The following CTNNA3 variants were observed in gnomAD, a reference collection of about 807,000 sequenced individuals.
CTNNA3 encodes the protein catenin alpha-3.
Under a neutral mutation model 95.7 loss-of-function variants are expected in CTNNA3, and 76 were observed. The observed-to-expected ratio is 0.79, with a 90% confidence interval of 0.66 to 0.96. CTNNA3 has a LOEUF of 0.96. CTNNA3 is among the 40% of genes least tolerant of loss of function. CTNNA3 has a pLI of 0.00. For synonymous variants in CTNNA3, 431 were observed against 374.4 expected, an observed-to-expected ratio of 1.15 and a Z score of -1.74; for missense variants, 1,191 against 1,089.8, an observed-to-expected ratio of 1.09 and a Z score of -1.31.
At chr10:66,132,487 A>G (rs1324631715) in intron 13 of CTNNA3, among the ~76,000 whole-genome samples, 5 of 152,030 alleles carry the variant, frequency 3.3e-5, no homozygotes, top group Non-Finnish European at 7.4e-5. Flanking sequence ...ATTGTGGAAG[A>G]TCTGATTCCT....
In CTNNA3 at chr10:67,564,355, G is replaced by A. The variant is rs530742067; in HGVS notation, c.293-24686C>T. ...GATGTCCTTTGTAGGGACATGGATG[G>A]AGCTGGTAACCACCATTCTGAGCAA... On this transcript the variant is annotated intron_variant, in intron 3 of 17. Coordinates refer to ENST00000433211, the MANE Select transcript of CTNNA3 (RefSeq NM_013266.4). Among the ~76,000 whole-genome samples the A allele has an allele frequency of 2.3e-4, 34 of 149,180 alleles. 1 individual carries two copies. In the East Asian group the frequency reaches 2.7e-3, roughly 12 times the overall value.
At chr10:66,361,380 C>T in intron 12 of CTNNA3, among the ~76,000 whole-genome samples, 1 of 90,948 alleles carries the variant, frequency 1.1e-5, no homozygotes. Flanking sequence ...TTTTTCCTTT[C>T]CTTTCCTTCC....
At chr10:67,327,030 G>T (rs1256174488) in intron 5 of CTNNA3, among the ~76,000 whole-genome samples, 1 of 152,104 alleles carries the variant, frequency 6.6e-6, no homozygotes, top group Non-Finnish European at 1.5e-5. Flanking sequence ...TAATACTTGT[G>T]ATTGCACTAT....
chr10:66,123,910 C>T (rs2133825071), intron 13 of CTNNA3, among the ~76,000 whole-genome samples: 1 of 152,294 alleles, frequency 6.6e-6, no homozygotes, highest in East Asian at 1.9e-4. Context: ...CACGAAACCA[C>T]TTTGTCCTCC....
intron 11 of CTNNA3, among the ~76,000 whole-genome samples, chr10:66,452,708 T>C (rs12782315): frequency 0.38 from 58,148 of 151,918 alleles, 11,693 homozygotes; most frequent in African/African-American, 0.5. Flanking sequence ...ATTGTAAAAC[T>C]TAAGGTTGAT....
intron 15 of CTNNA3, among the ~76,000 whole-genome samples, chr10:66,003,675 A>G (rs2078818244): frequency 6.6e-6 from 1 of 152,192 alleles, no homozygotes; most frequent in Non-Finnish European, 1.5e-5. Context: ...TGTCTTTAGT[A>G]AAACAGACTA....
chr10:67,094,488 A>T (rs1205721197), intron 7 of CTNNA3, among the ~76,000 whole-genome samples: 1 of 151,862 alleles, frequency 6.6e-6, no homozygotes, highest in Non-Finnish European at 1.5e-5. Flanking sequence ...TATAATTAAA[A>T]AGAAAATTAC....
intron 14 of CTNNA3, among the ~76,000 whole-genome samples, chr10:66,081,375 G>C (rs1397690059): frequency 6.6e-6 from 1 of 152,066 alleles, no homozygotes. Context: ...ACTTTCAGGG[G>C]CTAAGGCAGG....
chr10:66,241,914 G>A (rs1268248834), intron 13 of CTNNA3, among the ~76,000 whole-genome samples: 1 of 151,980 alleles, frequency 6.6e-6, no homozygotes, highest in East Asian at 1.9e-4. Context: ...AAATACAGGA[G>A]AATACTTTCA....
intron 5 of CTNNA3, among the ~76,000 whole-genome samples, chr10:67,503,230 C>T (rs541905126): frequency 1.3e-5 from 2 of 152,322 alleles, no homozygotes; most frequent in East Asian, 1.9e-4. Context: ...GGTAGTTTCC[C>T]AATCCCTTGC....
intron 7 of CTNNA3, among the ~76,000 whole-genome samples, chr10:67,128,189 T>C (rs1292942486): frequency 6.6e-6 from 1 of 152,138 alleles, no homozygotes; most frequent in African/African-American, 2.4e-5. Context: ...CAGTCAAATA[T>C]TATTCTGGGT....
At chr10:67,334,225 G>T in intron 5 of CTNNA3, 1 of 157,550 alleles carries the variant, frequency 6.3e-6, no homozygotes, top group South Asian at 1.8e-4. Flanking sequence ...AAAGGTCTAA[G>T]AATTTTGGCA....
At chr10:66,983,342 C>T (rs1564811671) in intron 7 of CTNNA3, among the ~76,000 whole-genome samples, 2 of 152,058 alleles carry the variant, frequency 1.3e-5, no homozygotes, top group Admixed American at 6.6e-5. Flanking sequence ...CAAATCTCTC[C>T]CTGGTATCTG....
intron 1 of CTNNA3, chr10:67,750,456 C>G (rs577105276): frequency 9.9e-5 from 149 of 1,508,222 alleles, no homozygotes; most frequent in Non-Finnish European, 1.3e-4. Flanking sequence ...GTGGGGGAAG[C>G]CATCCAAGAG....
At chr10:66,466,339 TACACACACACACACACAC>T (rs143601111) in intron 11 of CTNNA3, among the ~76,000 whole-genome samples, 16 of 141,770 alleles carry the variant, frequency 1.1e-4, no homozygotes, top group African/African-American at 3.7e-4. Flanking sequence ...CACCCACCTA[TACACACACACACACACAC>T]ACACACACAC....
At chr10:66,445,624 A>G (rs1395609186) in intron 11 of CTNNA3, among the ~76,000 whole-genome samples, 4 of 152,138 alleles carry the variant, frequency 2.6e-5, no homozygotes, top group African/African-American at 9.7e-5. Context: ...TTTGAAACCA[A>G]CGAGAACAAA....
intron 7 of CTNNA3, among the ~76,000 whole-genome samples, chr10:66,939,067 G>A (rs865853479): frequency 5.3e-5 from 8 of 152,210 alleles, no homozygotes; most frequent in East Asian, 1.9e-4. Flanking sequence ...AACACCCTAC[G>A]CTATGACAGA....
chr10:66,556,353 C>G (rs1842388680), intron 10 of CTNNA3, among the ~76,000 whole-genome samples: 1 of 152,010 alleles, frequency 6.6e-6, no homozygotes, highest in Non-Finnish European at 1.5e-5. Flanking sequence ...CCGGTAATCC[C>G]TCTTTTGGTA....
intron 7 of CTNNA3, among the ~76,000 whole-genome samples, chr10:66,887,441 G>A (rs540755335): frequency 1.6e-4 from 25 of 151,970 alleles, no homozygotes; most frequent in Non-Finnish European, 3.4e-4. Flanking sequence ...ATGAAAAAAT[G>A]AAGTTTCATG....
Sources: gnomAD v4.1 joint callset for allele counts (sites outside exome capture counted in the v4.1 genomes callset) on GRCh38, gnomAD v4.1.1 for gene constraint, MANE v1.5 for transcripts, NCBI Gene and HGNC (gene_info 2026-07-23, HGNC 2026-07-21) for gene names.